The following SRBD1 variants were observed in gnomAD, a reference collection of about 807,000 sequenced individuals.
SRBD1 encodes the protein S1 RNA binding domain 1, also known as S1 RNA-binding domain-containing protein 1.
Under a neutral mutation model 115.3 loss-of-function variants are expected in SRBD1, and 88 were observed. The ratio of observed to expected loss-of-function variants is 0.76; its 90% CI spans 0.64 to 0.91. The LOEUF is 0.91. SRBD1 is among the 40% of genes least tolerant of loss of function. The probability of loss-of-function intolerance (pLI) is 0.00; values close to 1 mark genes in which losing one functional copy is unlikely to be tolerated. For synonymous variants in SRBD1, 509 were observed against 407.7 expected (o/e 1.25, Z -2.99); for missense variants, 1,385 against 1,177.4 (o/e 1.18, Z -2.58).
chr2:45,610,370 TTGAA>T (rs1434952411), intron 1 of SRBD1, among the ~76,000 whole-genome samples: 1 of 152,234 alleles, frequency 6.6e-6, no homozygotes, highest in African/African-American at 2.4e-5. Flanking sequence ...AACAGAGTGC[TTGAA>T]TGTTAGCAGA....
chr2:45,564,436 T>C (rs1376112690), intron 9 of SRBD1, among the ~76,000 whole-genome samples: 1 of 152,212 alleles, frequency 6.6e-6, no homozygotes, highest in Non-Finnish European at 1.5e-5. Context: ...GGAGGCCATC[T>C]ATATTGGAAA....
At chr2:45,532,123 T>C (rs1193159624) in intron 14 of SRBD1, among the ~76,000 whole-genome samples, 2 of 151,578 alleles carry the variant, frequency 1.3e-5, no homozygotes, top group Non-Finnish European at 3.0e-5. Context: ...TCTCATTTAC[T>C]CTCTTCTCTG....
intron 14 of SRBD1, among the ~76,000 whole-genome samples, chr2:45,528,496 T>TA (rs1179818841): frequency 6.6e-6 from 1 of 151,694 alleles, no homozygotes; most frequent in Non-Finnish European, 1.5e-5. Flanking sequence ...TAAAAGAATT[T>TA]AAAAAACACA....
intron 14 of SRBD1, among the ~76,000 whole-genome samples, chr2:45,534,681 G>C (rs1265132781): frequency 6.6e-6 from 1 of 151,952 alleles, no homozygotes; most frequent in East Asian, 1.9e-4. Flanking sequence ...AATTCCACTT[G>C]TGAAACGGAA....
intron 14 of SRBD1, among the ~76,000 whole-genome samples, chr2:45,497,513 C>T (rs72616992): frequency 0.04 from 6,126 of 152,182 alleles, 220 homozygotes; most frequent in East Asian, 0.12. Flanking sequence ...AAACAGATTG[C>T]TGAGCCACAC....
At chr2:45,493,271 A>G (rs1670354089) in intron 14 of SRBD1, among the ~76,000 whole-genome samples, 1 of 152,222 alleles carries the variant, frequency 6.6e-6, no homozygotes, top group Admixed American at 6.5e-5. Context: ...ATGAACCAAC[A>G]TAAATCTTAA....
At chr2:45,524,768 T>G (rs899151634) in intron 14 of SRBD1, among the ~76,000 whole-genome samples, 2 of 152,050 alleles carry the variant, frequency 1.3e-5, no homozygotes, top group Non-Finnish European at 2.9e-5. Flanking sequence ...TTCCAGTTGA[T>G]TTCTTTGGAG....
chr2:45,477,106 A>G (rs2103820095), intron 15 of SRBD1, 31 bp from the exon 16 acceptor site: 1 of 1,580,326 alleles, frequency 6.3e-7, no homozygotes, highest in Admixed American at 1.7e-5. Flanking sequence ...AACAAGTATG[A>G]CTTAATGTGA....
At chr2:45,477,104 T>C (rs981173900) in intron 15 of SRBD1, 29 bp from the exon 16 acceptor site, 17 of 1,579,732 alleles carry the variant, frequency 1.1e-5, no homozygotes, top group Non-Finnish European at 1.4e-5. Flanking sequence ...AAAACAAGTA[T>C]GACTTAATGT....
chr2:45,580,147 T>A, intron 6 of SRBD1, 134 bp from the exon 7 acceptor site: 1 of 717,652 alleles, frequency 1.4e-6, no homozygotes, highest in Non-Finnish European at 2.1e-6. Flanking sequence ...CCTTCAGAGA[T>A]GAATTAAAAC....
intron 16 of SRBD1, among the ~76,000 whole-genome samples, chr2:45,433,882 G>C (rs1277358905): frequency 1.3e-5 from 2 of 152,174 alleles, no homozygotes; most frequent in Non-Finnish European, 2.9e-5. Flanking sequence ...TTATTTTGTA[G>C]ATGCATAAAC....
chr2:45,515,347 CTAG>C (rs1418631672), intron 14 of SRBD1, among the ~76,000 whole-genome samples: 6 of 152,134 alleles, frequency 3.9e-5, no homozygotes, highest in Admixed American at 2.0e-4. Flanking sequence ...GGTTATACAA[CTAG>C]TAGGTGGCAG....
chr2:45,579,955 C>G lies in SRBD1; in HGVS notation c.992G>C (p.Gly331Ala). 1 of 1,609,392 alleles carries G rather than the reference C, an allele frequency of 6.2e-7. No homozygotes were observed. The highest frequency in any genetic ancestry group is 8.5e-7 in the Non-Finnish European group (1 of 1,177,690). Reference sequence around the variant, plus strand: ...CAGTGCCCTGGCTGCTCCTTCTAAGCCCAACTGTCTTGCTCTCTGGGCTTT... The same window carrying G: ...CAGTGCCCTGGCTGCTCCTTCTAAGGCCAACTGTCTTGCTCTCTGGGCTTT... The part of the protein sequence containing the change: ...GTKAQRARQL[G>A]LEGAARALLE... Residue 331 changes from glycine to alanine, a missense_variant, in exon 7 of 21, where the codon GGC (glycine) becomes GCC (alanine). Coordinates refer to ENST00000263736, the MANE Select transcript of SRBD1 (RefSeq NM_018079.5).
At chr2:45,584,340 C>T (rs1270977128) in intron 5 of SRBD1, among the ~76,000 whole-genome samples, 1 of 152,332 alleles carries the variant, frequency 6.6e-6, no homozygotes, top group Admixed American at 6.5e-5. Context: ...TTATCCTAGC[C>T]TGGCTCTGGA....
intron 10 of SRBD1, among the ~76,000 whole-genome samples, chr2:45,555,847 C>A (rs777657739): frequency 6.6e-6 from 1 of 152,098 alleles, no homozygotes; most frequent in African/African-American, 2.4e-5. Context: ...TAGTCTGTTA[C>A]GGCACAGTGG....
At chr2:45,423,496 A>C (rs1334325595) in intron 16 of SRBD1, among the ~76,000 whole-genome samples, 1 of 152,192 alleles carries the variant, frequency 6.6e-6, no homozygotes, top group Non-Finnish European at 1.5e-5. Context: ...AACATTGCCA[A>C]AACTGACTCA....
At chr2:45,520,492 G>A (rs1171032411) in intron 14 of SRBD1, among the ~76,000 whole-genome samples, 3 of 152,176 alleles carry the variant, frequency 2.0e-5, no homozygotes, top group Admixed American at 6.5e-5. Context: ...GCAGTTCCCC[G>A]GCAAAGGCCC....
intron 14 of SRBD1, among the ~76,000 whole-genome samples, chr2:45,502,628 C>A (rs761729924): frequency 1.8e-4 from 26 of 144,240 alleles, no homozygotes; most frequent in Non-Finnish European, 3.4e-4. Flanking sequence ...GGGAATTGAA[C>A]AATGAGAACA....
intron 10 of SRBD1, among the ~76,000 whole-genome samples, chr2:45,561,990 A>G (rs976955900): frequency 2.0e-5 from 3 of 152,176 alleles, no homozygotes; most frequent in Non-Finnish European, 4.4e-5. Flanking sequence ...CATAGAGCAT[A>G]TTTTTGTTAG....
Sources: allele counts gnomAD v4.1 joint callset (sites outside exome capture counted in the v4.1 genomes callset), GRCh38; gene constraint gnomAD v4.1.1; transcripts MANE v1.5; gene names NCBI Gene and HGNC (gene_info 2026-07-23, HGNC 2026-07-21).